PPFIA2: variants seen among roughly 807,000 people sequenced by gnomAD.
PPFIA2 encodes liprin-alpha-2.
In PPFIA2, 46 loss-of-function variants were observed where a neutral mutation model predicts 175.5. That is an observed-to-expected ratio of 0.26 (90% CI 0.21 to 0.34). The LOEUF (loss-of-function observed/expected upper bound fraction) is 0.34, where lower values mean the gene tolerates loss of function less well. Among genes scored for constraint, PPFIA2 ranks in the 10% least tolerant of loss-of-function variants. The pLI is 1.00. For missense variants in PPFIA2, 1,179 were observed against 1,506.1 expected (o/e 0.78, Z 3.60); for synonymous variants, 568 against 511.4 (o/e 1.11, Z -1.49).
intron 22 of PPFIA2, among the ~76,000 whole-genome samples, chr12:81,315,836 A>G (rs2052218028): frequency 6.6e-6 from 1 of 151,734 alleles, no homozygotes; most frequent in South Asian, 2.1e-4. Context: ...AGTGATTCTT[A>G]CAAATGAAAG....
At chr12:81,652,174 T>C (rs2067129091) in intron 4 of PPFIA2, among the ~76,000 whole-genome samples, 1 of 150,082 alleles carries the variant, frequency 6.7e-6, no homozygotes, top group African/African-American at 2.5e-5. Flanking sequence ...TGGCTATTTG[T>C]TTATAGCCTT....
At chr12:81,492,703 C>G (rs1328102236) in intron 4 of PPFIA2, among the ~76,000 whole-genome samples, 2 of 151,986 alleles carry the variant, frequency 1.3e-5, no homozygotes, top group Non-Finnish European at 2.9e-5. Context: ...CTCAAGTATG[C>G]AGGACTCTAT....
rs1178982695 is a variant in PPFIA2 at position 81,325,875 on chromosome 12, G to T, written c.2549-5C>A. On this transcript the variant is annotated splice_region_variant and splice_polypyrimidine_tract_variant and intron_variant, in intron 21 of 32. Transcript: ENST00000549396. The stretch of plus-strand genomic sequence containing the variant: ...CTTCAGTCTCCATAAAGCCTCCTGT[G>T]AAGAGAAGTAACTAAGTATTCAGAT... 1.9e-6 allele frequency: 3 copies of T among 1,599,982 alleles called. No homozygotes were observed. The highest frequency in any genetic ancestry group is 1.7e-5 in the Admixed American group (1 of 59,798).
intron 9 of PPFIA2, among the ~76,000 whole-genome samples, chr12:81,381,525 C>A (rs1426703177): frequency 6.6e-6 from 1 of 152,030 alleles, no homozygotes; most frequent in Non-Finnish European, 1.5e-5. Flanking sequence ...TCTAAATCTC[C>A]AGGGCCAAGA....
intron 4 of PPFIA2, among the ~76,000 whole-genome samples, chr12:81,590,968 G>A (rs1051808333): frequency 1.3e-5 from 2 of 152,154 alleles, no homozygotes; most frequent in African/African-American, 4.8e-5. Context: ...AACTGGCAGA[G>A]GTTGGAACAG....
intron 22 of PPFIA2, among the ~76,000 whole-genome samples, chr12:81,311,709 G>A (rs1468489950): frequency 3.0e-4 from 43 of 145,244 alleles, no homozygotes; most frequent in African/African-American, 1.1e-3. Flanking sequence ...CTCCAGCCTG[G>A]GCAACATAGC....
chr12:81,642,241 G>A (rs1046413668), intron 4 of PPFIA2, among the ~76,000 whole-genome samples: 3 of 151,840 alleles, frequency 2.0e-5, no homozygotes, highest in Non-Finnish European at 4.4e-5. Flanking sequence ...TTACATATCT[G>A]AAAGTTAAAG....
chr12:81,292,334 AAT>A (rs2045256861), intron 24 of PPFIA2: 2 of 152,116 alleles, frequency 1.3e-5, no homozygotes, highest in South Asian at 4.1e-4. Flanking sequence ...TCTTATTTTA[AAT>A]ATACAGGTGG....
chr12:81,593,334 T>G (rs1417643059), intron 4 of PPFIA2, among the ~76,000 whole-genome samples: 1 of 152,198 alleles, frequency 6.6e-6, no homozygotes, highest in African/African-American at 2.4e-5. Flanking sequence ...TACATATTTT[T>G]AATAATCTTA....
intron 8 of PPFIA2, among the ~76,000 whole-genome samples, chr12:81,385,854 T>A (rs1158976656): frequency 1.3e-5 from 2 of 152,144 alleles, no homozygotes; most frequent in Non-Finnish European, 2.9e-5. Flanking sequence ...TTTTAAGTGC[T>A]CTCACCACAA....
chr12:81,700,805 A>C (rs1029249272), intron 3 of PPFIA2, among the ~76,000 whole-genome samples: 4 of 152,192 alleles, frequency 2.6e-5, no homozygotes, highest in African/African-American at 9.6e-5. Context: ...CATATTGATT[A>C]GTTGGATATA....
At chr12:81,505,146 T>C (rs1410268373) in intron 4 of PPFIA2, among the ~76,000 whole-genome samples, 1 of 151,988 alleles carries the variant, frequency 6.6e-6, no homozygotes, top group East Asian at 1.9e-4. Flanking sequence ...TTTGACAAGT[T>C]CCTCCGAATG....
intron 3 of PPFIA2, among the ~76,000 whole-genome samples, chr12:81,702,076 C>T (rs1192755712): frequency 6.6e-6 from 1 of 152,114 alleles, no homozygotes; most frequent in Non-Finnish European, 1.5e-5. Flanking sequence ...TCACTTGCTC[C>T]TAGCAGCTGG....
chr12:81,685,307 C>T (rs141659040), intron 3 of PPFIA2, among the ~76,000 whole-genome samples: 1 of 151,894 alleles, frequency 6.6e-6, no homozygotes, highest in African/African-American at 2.4e-5. Flanking sequence ...GTTTCCTTGA[C>T]AACATTATAG....
intron 18 of PPFIA2, chr12:81,344,912 T>C (rs961947871): frequency 2.3e-6 from 1 of 442,084 alleles, no homozygotes; most frequent in Non-Finnish European, 4.1e-6. Flanking sequence ...CAGATGATTG[T>C]TTCCATAATG....
chr12:81,444,806 C>T (rs1324780388), intron 6 of PPFIA2, among the ~76,000 whole-genome samples: 3 of 152,084 alleles, frequency 2.0e-5, no homozygotes, highest in Non-Finnish European at 4.4e-5. Context: ...TGAAGTGTCC[C>T]AATTTCCACT....
intron 4 of PPFIA2, among the ~76,000 whole-genome samples, chr12:81,525,162 T>C (rs547750660): frequency 4.3e-4 from 65 of 152,178 alleles, no homozygotes; most frequent in Non-Finnish European, 8.5e-4. Context: ...CCCCTTTAGA[T>C]AGAGTCAATT....
chr12:81,575,062 C>A (rs1381345476), intron 4 of PPFIA2, among the ~76,000 whole-genome samples: 4 of 151,874 alleles, frequency 2.6e-5, no homozygotes, highest in African/African-American at 9.7e-5. Flanking sequence ...ATAATCATTT[C>A]ACACAGATGA....
At chr12:81,712,931 A>C (rs934219118) in intron 3 of PPFIA2, among the ~76,000 whole-genome samples, 1 of 151,010 alleles carries the variant, frequency 6.6e-6, no homozygotes, top group Non-Finnish European at 1.5e-5. Context: ...TAAATAATGA[A>C]AGCTTGCTTT....
Sources: gnomAD v4.1 joint callset for allele counts (sites outside exome capture counted in the v4.1 genomes callset) on GRCh38, gnomAD v4.1.1 for gene constraint, MANE v1.5 for transcripts, NCBI Gene and HGNC (gene_info 2026-07-23, HGNC 2026-07-21) for gene names.